The following RASAL2 variants were observed in gnomAD, a reference collection of about 807,000 sequenced individuals.
The protein encoded by RASAL2 is RAS protein activator like 2.
In RASAL2, 58 loss-of-function variants were observed where a neutral mutation model predicts 128.9. That is an observed-to-expected ratio of 0.45 (90% CI 0.36 to 0.56). The LOEUF (loss-of-function observed/expected upper bound fraction) is 0.56, where lower values mean the gene tolerates loss of function less well. RASAL2 is among the 20% of genes least tolerant of loss of function. The pLI is 0.00. For missense variants in RASAL2, 1,360 were observed against 1,601.6 expected, an observed-to-expected ratio of 0.85 and a Z score of 2.57; for synonymous variants, 561 against 580.8, an observed-to-expected ratio of 0.97 and a Z score of 0.49.
intron 1 of RASAL2, among the ~76,000 whole-genome samples, chr1:178,101,043 T>C (rs1658877368): frequency 6.6e-6 from 1 of 152,206 alleles, no homozygotes; most frequent in Non-Finnish European, 1.5e-5. Context: ...CAAGTACTTC[T>C]TAAGGCTAGC....
At chr1:178,162,175 C>T (rs1661328054) in intron 1 of RASAL2, among the ~76,000 whole-genome samples, 1 of 148,004 alleles carries the variant, frequency 6.8e-6, no homozygotes, top group South Asian at 2.1e-4. Context: ...CCGTGTTAGC[C>T]AGGATGGTCT....
chr1:178,424,983 A>G (rs1265334780), intron 5 of RASAL2, among the ~76,000 whole-genome samples: 1 of 152,208 alleles, frequency 6.6e-6, no homozygotes, highest in Non-Finnish European at 1.5e-5. Flanking sequence ...TATGCTACAG[A>G]GAATATAGCA....
chr1:178,317,535 C>T (rs1221574109), intron 3 of RASAL2, among the ~76,000 whole-genome samples: 4 of 150,412 alleles, frequency 2.7e-5, no homozygotes, highest in Admixed American at 6.6e-5. Flanking sequence ...GTGTATGTGT[C>T]GAGGAATTTA....
At chr1:178,401,582 A>G (rs931277201) in intron 4 of RASAL2, among the ~76,000 whole-genome samples, 27 of 152,198 alleles carry the variant, frequency 1.8e-4, no homozygotes, top group African/African-American at 5.8e-4. Flanking sequence ...TTCAGGCCGT[A>G]GTGCGGATGA....
At chr1:178,256,223 A>AAT (rs943768603) in intron 1 of RASAL2, among the ~76,000 whole-genome samples, 3 of 152,190 alleles carry the variant, frequency 2.0e-5, no homozygotes, top group Non-Finnish European at 4.4e-5. Context: ...CAATGACGGT[A>AAT]ATATATCATA....
chr1:178,173,044 T>C (rs188625462), intron 1 of RASAL2, among the ~76,000 whole-genome samples: 2 of 152,256 alleles, frequency 1.3e-5, no homozygotes, highest in Admixed American at 1.3e-4. Flanking sequence ...CCTATGTGCA[T>C]GTGTGGTTGG....
chr1:178,143,966 T>C (rs1571539808), intron 1 of RASAL2, among the ~76,000 whole-genome samples: 1 of 152,184 alleles, frequency 6.6e-6, no homozygotes, highest in Admixed American at 6.5e-5. Flanking sequence ...AGTGGTGTTA[T>C]AGTATCATTA....
chr1:178,147,225 A>G (rs1285591184), intron 1 of RASAL2, among the ~76,000 whole-genome samples: 9 of 152,142 alleles, frequency 5.9e-5, no homozygotes. Flanking sequence ...GCGGTAGGTC[A>G]TGCCTATAAT....
chr1:178,162,520 T>A (rs1661360125), intron 1 of RASAL2, among the ~76,000 whole-genome samples: 1 of 131,704 alleles, frequency 7.6e-6, no homozygotes, highest in Admixed American at 9.1e-5. Flanking sequence ...ATATTTTATA[T>A]AAAGTATAAT....
intron 1 of RASAL2, among the ~76,000 whole-genome samples, chr1:178,172,096 T>TA (rs1363805041): frequency 1.3e-5 from 2 of 152,014 alleles, no homozygotes; most frequent in Middle Eastern, 3.2e-3. Flanking sequence ...TATTGACTGT[T>TA]ACCTGTTTGG....
intron 3 of RASAL2, among the ~76,000 whole-genome samples, chr1:178,368,497 C>T (rs1671527061): frequency 6.6e-6 from 1 of 152,160 alleles, no homozygotes; most frequent in African/African-American, 2.4e-5. Context: ...ATTCTCCAGA[C>T]ACTTTCTATA....
At chr1:178,135,435 C>G (rs1250868248) in intron 1 of RASAL2, among the ~76,000 whole-genome samples, 1 of 145,038 alleles carries the variant, frequency 6.9e-6, no homozygotes, top group African/African-American at 2.6e-5. Flanking sequence ...ATTAATTTGG[C>G]CTAAATATTA....
intron 1 of RASAL2, among the ~76,000 whole-genome samples, chr1:178,208,152 T>C (rs1161455104): frequency 6.6e-6 from 1 of 152,170 alleles, no homozygotes; most frequent in African/African-American, 2.4e-5. Context: ...ATGAAATCAG[T>C]GCACCTTGAG....
intron 1 of RASAL2, among the ~76,000 whole-genome samples, chr1:178,270,627 C>CTTT (rs34462041): frequency 7.2e-6 from 1 of 138,440 alleles, no homozygotes. Context: ...CTGTGTCTCT[C>CTTT]TTTTTTTTTT....
intron 3 of RASAL2, among the ~76,000 whole-genome samples, chr1:178,360,306 A>G (rs1671040828): frequency 6.6e-6 from 1 of 152,050 alleles, no homozygotes; most frequent in South Asian, 2.1e-4. Context: ...CTGATGCCAC[A>G]GTTTTTACTT....
chr1:178,313,931 A>G (rs902187403), intron 3 of RASAL2, among the ~76,000 whole-genome samples: 1 of 152,180 alleles, frequency 6.6e-6, no homozygotes, highest in Non-Finnish European at 1.5e-5. Flanking sequence ...TCTAATAGAC[A>G]ATAAAAACAA....
chr1:178,335,843 T>C lies in RASAL2; in HGVS notation c.457+35725T>C, dbSNP rs918405265. Among the ~76,000 whole-genome samples the C allele has an allele frequency of 6.6e-5, 10 of 152,040 alleles. No homozygotes were observed. In the East Asian group the frequency reaches 1.3e-3, roughly 20 times the overall value. On this transcript the variant is annotated intron_variant, in intron 3 of 17. Transcript: ENST00000367649. ...GAGCAATAGCTTCTGATAAACCTAA[T>C]TTGGAACAATATGCAAGCTCCTTTA...
rs1239809916 is a variant in RASAL2 at position 178,438,881 on chromosome 1, C to CTCTGTG, written c.675-540_675-539insCTGTGT. Among the ~76,000 whole-genome samples the CTCTGTG allele has an allele frequency of 7.0e-3, 901 of 129,448 alleles. 16 individuals are homozygous for CTCTGTG. Among genetic ancestry groups the CTCTGTG allele is most frequent in the African/African-American group, 0.022 (805 of 36,530 alleles). 84.9% of individuals were successfully genotyped at this position (129,448 alleles called of 152,430 possible). On this transcript the variant is annotated intron_variant, in intron 5 of 17. Transcript: ENST00000367649. ...TGTGATAAAAAGTTGAGCTTCGACTCTGTGTGTGTGTGTGTGTGTGTGTGT... is the reference window on the plus strand; with the variant it reads ...TGTGATAAAAAGTTGAGCTTCGACTCTCTGTGTGTGTGTGTGTGTGTGTGTGTGTGT...
chr1:178,340,560 G>A (rs565052124), intron 3 of RASAL2, among the ~76,000 whole-genome samples: 79 of 152,052 alleles, frequency 5.2e-4, no homozygotes, highest in African/African-American at 1.8e-3. Flanking sequence ...AATTAGCTTT[G>A]GAAAGCCACT....
Sources: allele counts gnomAD v4.1 joint callset (sites outside exome capture counted in the v4.1 genomes callset), GRCh38; gene constraint gnomAD v4.1.1; transcripts MANE v1.5; gene names NCBI Gene and HGNC (gene_info 2026-07-23, HGNC 2026-07-21).